Variants in GLIS3 observed in about 807,000 individuals in gnomAD.
The protein encoded by GLIS3 is zinc finger protein GLIS3.
In GLIS3, 53 loss-of-function variants were observed where a neutral mutation model predicts 78.6. The ratio of observed to expected loss-of-function variants is 0.67; its 90% CI spans 0.54 to 0.85. GLIS3 has a LOEUF of 0.85. Ranked by LOEUF, GLIS3 falls within the 40% of genes least tolerant of loss-of-function variation. The probability of loss-of-function intolerance (pLI) is 0.00; values close to 1 mark genes in which losing one functional copy is unlikely to be tolerated. For synonymous variants in GLIS3, 684 were observed against 509.9 expected, an observed-to-expected ratio of 1.34 and a Z score of -4.60; for missense variants, 1,703 against 1,231.1, an observed-to-expected ratio of 1.38 and a Z score of -5.74.
At chr9:4,137,663 T>C (rs1833499133) in intron 2 of GLIS3, among the ~76,000 whole-genome samples, 1 of 152,040 alleles carries the variant, frequency 6.6e-6, no homozygotes, top group Non-Finnish European at 1.5e-5. Context: ...ATTCCTGGAG[T>C]TTGTATTCTA....
chr9:4,372,045 C>A, the GLIS3 span, among the ~76,000 whole-genome samples: 1 of 152,168 alleles, frequency 6.6e-6, no homozygotes, highest in African/African-American at 2.4e-5. Context: ...CCCCTCCTCT[C>A]CTGTGGGATC....
chr9:4,431,217 C>A, the GLIS3 span, among the ~76,000 whole-genome samples: 2 of 152,180 alleles, frequency 1.3e-5, no homozygotes, highest in Non-Finnish European at 2.9e-5. Context: ...TTTTAAAAGG[C>A]CTTTGATGCC....
intron 7 of GLIS3, among the ~76,000 whole-genome samples, chr9:3,896,647 CAG>C (rs1473643542): frequency 1.6e-4 from 13 of 79,428 alleles, no homozygotes; most frequent in Non-Finnish European, 2.9e-4. Context: ...GCCTGGTTGA[CAG>C]AGTGAGACTC....
chr9:4,239,093 G>C (rs1320125382), intron 2 of GLIS3, among the ~76,000 whole-genome samples: 2 of 145,504 alleles, frequency 1.4e-5, no homozygotes, highest in Non-Finnish European at 3.0e-5. Flanking sequence ...ATCATTGTTG[G>C]ACATTTGGGT....
intron 2 of GLIS3, among the ~76,000 whole-genome samples, chr9:4,263,898 G>A (rs1256808175): frequency 6.6e-6 from 1 of 152,028 alleles, no homozygotes; most frequent in Non-Finnish European, 1.5e-5. Flanking sequence ...ATTTCTTCAT[G>A]GCTCAGTTAT....
At chr9:4,142,966 C>G (rs1456175052) in intron 2 of GLIS3, among the ~76,000 whole-genome samples, 1 of 152,134 alleles carries the variant, frequency 6.6e-6, no homozygotes, top group Admixed American at 6.5e-5. Flanking sequence ...CAGGTATCCG[C>G]TTCCCTTTCT....
At chr9:4,138,729 T>A (rs1270475649) in intron 2 of GLIS3, among the ~76,000 whole-genome samples, 1 of 152,190 alleles carries the variant, frequency 6.6e-6, no homozygotes, top group African/African-American at 2.4e-5. Context: ...ATGGGGATGA[T>A]AATTGTTCCC....
chr9:3,898,098 A>G (rs1448139191), intron 7 of GLIS3, among the ~76,000 whole-genome samples: 1 of 152,228 alleles, frequency 6.6e-6, no homozygotes, highest in Non-Finnish European at 1.5e-5. Context: ...CTTATGGTAT[A>G]TTAATCTTTT....
At chr9:4,388,922 A>G in the GLIS3 span, among the ~76,000 whole-genome samples, 2 of 152,178 alleles carry the variant, frequency 1.3e-5, no homozygotes, top group Non-Finnish European at 2.9e-5. Context: ...TGGAAAAGCT[A>G]AGCTCTTAGA....
At chr9:4,249,461 T>C (rs1034077088) in intron 2 of GLIS3, among the ~76,000 whole-genome samples, 1 of 152,342 alleles carries the variant, frequency 6.6e-6, no homozygotes, top group Admixed American at 6.5e-5. Flanking sequence ...TTTCTGCACA[T>C]TGATTTTGTA....
At chr9:4,373,336 G>T in the GLIS3 span, among the ~76,000 whole-genome samples, 1 of 152,134 alleles carries the variant, frequency 6.6e-6, no homozygotes, top group Non-Finnish European at 1.5e-5. Context: ...AATCACCTGG[G>T]GGAAATTGGG....
intron 2 of GLIS3, among the ~76,000 whole-genome samples, chr9:4,222,675 T>C (rs1472084619): frequency 6.6e-6 from 1 of 152,202 alleles, no homozygotes; most frequent in African/African-American, 2.4e-5. Context: ...ACAGTGCTAC[T>C]GTAAGAGGAA....
intron 2 of GLIS3, among the ~76,000 whole-genome samples, chr9:4,154,774 T>C (rs1337621138): frequency 6.6e-6 from 1 of 152,198 alleles, no homozygotes; most frequent in Non-Finnish European, 1.5e-5. Flanking sequence ...CAGTCAGAGG[T>C]ATTTAAAATG....
At chr9:4,019,784 G>A (rs1372325149) in intron 4 of GLIS3, among the ~76,000 whole-genome samples, 1 of 152,126 alleles carries the variant, frequency 6.6e-6, no homozygotes, top group Non-Finnish European at 1.5e-5. Flanking sequence ...CCAGGCTAGA[G>A]TGCAGTGGGG....
At chr9:4,033,900 G>GAT (rs1563969526) in intron 4 of GLIS3, among the ~76,000 whole-genome samples, 1 of 134,576 alleles carries the variant, frequency 7.4e-6, no homozygotes, top group Non-Finnish European at 1.5e-5. Context: ...ACTAGAATGA[G>GAT]ATAGGTCCTA....
chr9:3,983,347 A>G (rs1819461575), intron 4 of GLIS3, among the ~76,000 whole-genome samples: 2 of 152,176 alleles, frequency 1.3e-5, no homozygotes, highest in Non-Finnish European at 2.9e-5. Context: ...TAAATTGCCC[A>G]GTCTCTGATA....
chr9:3,959,720 G>C (rs975883539), intron 4 of GLIS3, among the ~76,000 whole-genome samples: 12 of 152,178 alleles, frequency 7.9e-5, no homozygotes, highest in African/African-American at 2.9e-4. Context: ...TTCCCCTAGA[G>C]TCTCAACTTT....
chr9:3,854,884 G>A (rs557258381), intron 9 of GLIS3, among the ~76,000 whole-genome samples: 1 of 152,240 alleles, frequency 6.6e-6, no homozygotes, highest in East Asian at 1.9e-4. Flanking sequence ...CATAGTACTA[G>A]TTGATTCTGC....
At chr9:4,232,575 A>C (rs893600343) in intron 2 of GLIS3, among the ~76,000 whole-genome samples, 6 of 152,134 alleles carry the variant, frequency 3.9e-5, no homozygotes, top group Admixed American at 2.6e-4. Context: ...TCTCTGACTT[A>C]CTGGTTTGTT....
Sources: allele counts gnomAD v4.1 joint callset (sites outside exome capture counted in the v4.1 genomes callset), GRCh38; gene constraint gnomAD v4.1.1; transcripts MANE v1.5; gene names NCBI Gene and HGNC (gene_info 2026-07-23, HGNC 2026-07-21).